The following TRPC4 variants were observed in gnomAD, a reference collection of about 807,000 sequenced individuals.
The protein encoded by TRPC4 is short transient receptor potential channel 4.
In TRPC4, 49 loss-of-function variants were observed where a neutral mutation model predicts 99.4. The observed-to-expected ratio is 0.49, with a 90% CI of 0.39 to 0.63. The LOEUF is 0.63. TRPC4 is among the 20% of genes least tolerant of loss of function. TRPC4 has a pLI of 0.00. For missense variants in TRPC4, 898 were observed against 1,152.9 expected (o/e 0.78, Z 3.20); for synonymous variants, 454 against 425.9 (o/e 1.07, Z -0.81).
chr13:37,765,814 T>C (rs1956348991), intron 2 of TRPC4, among the ~76,000 whole-genome samples: 1 of 151,496 alleles, frequency 6.6e-6, no homozygotes, highest in South Asian at 2.1e-4. Context: ...TTAAATAGAA[T>C]TATTTTGATT....
chr13:37,667,092 C>G (rs1952668965), intron 5 of TRPC4, among the ~76,000 whole-genome samples: 1 of 152,204 alleles, frequency 6.6e-6, no homozygotes, highest in South Asian at 2.1e-4. Flanking sequence ...TGAATGGCAA[C>G]AGGTCACCAA....
chr13:37,704,662 T>A (rs1205158441), intron 3 of TRPC4, among the ~76,000 whole-genome samples: 1 of 152,014 alleles, frequency 6.6e-6, no homozygotes, highest in Non-Finnish European at 1.5e-5. Context: ...AATAAATAAA[T>A]AAATAAAACA....
intron 3 of TRPC4, among the ~76,000 whole-genome samples, chr13:37,725,611 G>T (rs1381655171): frequency 1.3e-5 from 2 of 151,870 alleles, no homozygotes; most frequent in Non-Finnish European, 2.9e-5. Flanking sequence ...AATTAAAAAA[G>T]AAACAAAAAA....
chr13:37,796,156 A>G (rs998180248), intron 1 of TRPC4, among the ~76,000 whole-genome samples: 5 of 152,142 alleles, frequency 3.3e-5, no homozygotes, highest in African/African-American at 1.2e-4. Context: ...TATTGCTTAA[A>G]CAACCAGAGT....
At chr13:37,671,186 T>A (rs1952826672) in intron 5 of TRPC4, among the ~76,000 whole-genome samples, 1 of 152,198 alleles carries the variant, frequency 6.6e-6, no homozygotes. Flanking sequence ...GTTTGCTTTA[T>A]CTACATCAGC....
At chr13:37,650,077 G>C (rs914081777) in intron 8 of TRPC4, among the ~76,000 whole-genome samples, 2 of 152,198 alleles carry the variant, frequency 1.3e-5, no homozygotes, top group Non-Finnish European at 2.9e-5. Context: ...GAGATGAGAG[G>C]AAAATCAATG....
intron 2 of TRPC4, among the ~76,000 whole-genome samples, chr13:37,749,473 G>C (rs1342786463): frequency 6.6e-6 from 1 of 152,044 alleles, no homozygotes; most frequent in East Asian, 1.9e-4. Flanking sequence ...TGGACTCCGT[G>C]GGGGACTCTG....
intron 1 of TRPC4, among the ~76,000 whole-genome samples, chr13:37,791,398 T>TTAAAA (rs1555272608): frequency 7.8e-5 from 9 of 114,730 alleles, no homozygotes; most frequent in African/African-American, 3.3e-4. Context: ...TCTGTCTCAA[T>TTAAAA]AAAAAAAAAA....
intron 6 of TRPC4, among the ~76,000 whole-genome samples, chr13:37,657,621 CA>C (rs1234940784): frequency 6.6e-6 from 1 of 152,078 alleles, no homozygotes; most frequent in African/African-American, 2.4e-5. Flanking sequence ...ATAAGTTATA[CA>C]ATATATAGTG....
At chr13:37,823,134 T>C (rs1194964042) in intron 1 of TRPC4, among the ~76,000 whole-genome samples, 4 of 151,398 alleles carry the variant, frequency 2.6e-5, no homozygotes, top group Non-Finnish European at 3.0e-5. Flanking sequence ...TTTTTTCTTG[T>C]AAATTTGTTG....
At chr13:37,863,660 T>C (rs1218069159) in intron 1 of TRPC4, among the ~76,000 whole-genome samples, 2 of 151,622 alleles carry the variant, frequency 1.3e-5, no homozygotes, top group South Asian at 2.1e-4. Flanking sequence ...ACTCATGCTG[T>C]CATAAATGAT....
rs569079913 is a variant in TRPC4, at chr13:37,862,237, G to A, written c.-28+7358C>T. Among the ~76,000 whole-genome samples the A allele has an allele frequency of 1.7e-3, 256 of 151,542 alleles. 1 individual carries two copies. The highest frequency in any genetic ancestry group is 3.9e-3 in the South Asian group (19 of 4,822). On this transcript the variant is annotated intron_variant, in intron 1 of 10. Transcript: ENST00000379705. Reference sequence around the variant, plus strand: ...TCATTATATCCCTAACTATAAAAGTGCCTTCTTAGGTTTGCTTCATTGGTT... The same window carrying A: ...TCATTATATCCCTAACTATAAAAGTACCTTCTTAGGTTTGCTTCATTGGTT...
intron 3 of TRPC4, among the ~76,000 whole-genome samples, chr13:37,708,104 C>T (rs1422792590): frequency 6.6e-6 from 1 of 152,022 alleles, no homozygotes; most frequent in Non-Finnish European, 1.5e-5. Flanking sequence ...AAATAGGCCT[C>T]CATACTTGAT....
intron 3 of TRPC4, among the ~76,000 whole-genome samples, chr13:37,711,573 T>C: frequency 6.6e-6 from 1 of 152,050 alleles, no homozygotes; most frequent in East Asian, 1.9e-4. Flanking sequence ...ACTTTAATTA[T>C]TTTCACTACC....
intron 2 of TRPC4, among the ~76,000 whole-genome samples, chr13:37,748,918 A>C (rs11618049): frequency 0.35 from 52,846 of 151,680 alleles, 10,980 homozygotes; most frequent in Non-Finnish European, 0.48. Context: ...TTGAATGGTC[A>C]ATTGGTTGGT....
At chr13:37,649,747 A>C (rs1482375003) in intron 8 of TRPC4, among the ~76,000 whole-genome samples, 7 of 146,802 alleles carry the variant, frequency 4.8e-5, no homozygotes, top group Admixed American at 4.1e-4. Context: ...AAAAAAAAAA[A>C]AAAAAAAAAA....
At chr13:37,665,213 C>G (rs1952599622) in intron 5 of TRPC4, among the ~76,000 whole-genome samples, 1 of 152,166 alleles carries the variant, frequency 6.6e-6, no homozygotes, top group Non-Finnish European at 1.5e-5. Flanking sequence ...TTCCTCACTT[C>G]TCTCTTAAAA....
At chr13:37,638,495 A>T (rs1010653415) in intron 10 of TRPC4, among the ~76,000 whole-genome samples, 1 of 152,098 alleles carries the variant, frequency 6.6e-6, no homozygotes, top group African/African-American at 2.4e-5. Context: ...GACCTTAATC[A>T]TTCTTCCAAA....
chr13:37,671,637 T>C (rs1004632013), intron 5 of TRPC4, among the ~76,000 whole-genome samples: 2 of 151,940 alleles, frequency 1.3e-5, no homozygotes, highest in African/African-American at 4.8e-5. Context: ...TTTAAATACA[T>C]CAACTCATTT....
Sources: gnomAD v4.1 joint callset for allele counts (sites outside exome capture counted in the v4.1 genomes callset) on GRCh38, gnomAD v4.1.1 for gene constraint, MANE v1.5 for transcripts, NCBI Gene and HGNC (gene_info 2026-07-23, HGNC 2026-07-21) for gene names.